The following EXOSC5 variants were observed in gnomAD, a reference collection of about 807,000 sequenced individuals.
The protein encoded by EXOSC5 is exosome complex component RRP46.
EXOSC5 carries 15 observed loss-of-function variants against 23.7 expected under a neutral mutation model. The ratio of observed to expected loss-of-function variants is 0.63; its 90% CI spans 0.42 to 0.97. The LOEUF (loss-of-function observed/expected upper bound fraction) is 0.97, where lower values mean the gene tolerates loss of function less well. EXOSC5 is among the 50% of genes least tolerant of loss of function. EXOSC5 has a pLI of 0.00. For synonymous variants in EXOSC5, 143 were observed against 140.9 expected, an observed-to-expected ratio of 1.02 and a Z score of -0.11; for missense variants, 305 against 316.3, an observed-to-expected ratio of 0.96 and a Z score of 0.27.
In EXOSC5 at chr19:41,392,854, A is replaced by G. The variant is rs1283232515; in HGVS notation, c.262+13T>C. 1 of 1,609,716 alleles carries G rather than the reference A, an allele frequency of 6.2e-7. No homozygotes were observed. The highest frequency in any genetic ancestry group is 8.5e-7 in the Non-Finnish European group (1 of 1,176,408). On this transcript the variant is annotated intron_variant, in intron 2 of 5. Coordinates refer to ENST00000221233, the MANE Select transcript of EXOSC5 (RefSeq NM_020158.4). ...ACTGGGCACCACTCAGAGGTTCAGCAGGGCCCAATTACCAGGCAGCCCAAT... is the reference window on the plus strand; with the variant it reads ...ACTGGGCACCACTCAGAGGTTCAGCGGGGCCCAATTACCAGGCAGCCCAAT...
At chr19:41,396,871 A>G (rs2039071725) in intron 1 of EXOSC5, among the ~76,000 whole-genome samples, 1 of 151,110 alleles carries the variant, frequency 6.6e-6, no homozygotes. Flanking sequence ...GTGGAGGAGG[A>G]ATCGAGTTAA....
intron 3 of EXOSC5, among the ~76,000 whole-genome samples, chr19:41,390,288 C>T (rs979030138): frequency 2.0e-5 from 3 of 152,150 alleles, no homozygotes; most frequent in Non-Finnish European, 4.4e-5. Flanking sequence ...CCTCCCTCCA[C>T]CAGGCTGATG....
intron 1 of EXOSC5, among the ~76,000 whole-genome samples, chr19:41,396,832 G>T (rs1053785500): frequency 1.5e-5 from 2 of 136,564 alleles, no homozygotes; most frequent in Non-Finnish European, 3.1e-5. Flanking sequence ...GACCTAGAGG[G>T]TGTGTGTGTG....
Position 41,397,334 on chromosome 19 carries a change from C to T in EXOSC5, c.-6G>A, listed in dbSNP as rs1568499160. The T allele has an allele frequency of 1.2e-6, 2 of 1,607,764 alleles. No individual in the cohort carries two copies. Among genetic ancestry groups the T allele is most frequent in the Non-Finnish European group, 1.7e-6 (2 of 1,175,246 alleles). On this transcript the variant is annotated 5_prime_UTR_variant, in exon 1 of 6. Transcript: ENST00000221233. ...GTATGCGTCTCCTCCTCCATCGCGC[C>T]GAGCCCACGTGCGGCTGCAGTTGTC...
intron 1 of EXOSC5, among the ~76,000 whole-genome samples, chr19:41,394,702 G>C (rs2039048721): frequency 6.6e-6 from 1 of 152,040 alleles, no homozygotes; most frequent in Non-Finnish European, 1.5e-5. Flanking sequence ...ATTTTTAGTA[G>C]AGATGGGTTT....
chr19:41,387,516 C>CAA lies in EXOSC5; in HGVS notation c.612_613insTT (p.Glu205LeufsTer74). 1 of 1,596,696 alleles carries CAA rather than the reference C, an allele frequency of 6.3e-7. No homozygotes were observed. Among genetic ancestry groups the CAA allele is most frequent in the South Asian group, 1.1e-5 (1 of 87,660 alleles). On this transcript the variant is annotated frameshift_variant, in exon 5 of 6. Transcript: ENST00000221233. LOFTEE classifies it high-confidence loss of function. ...TCCCCTCATCCCCATGCTGGTACCT[C>CAA]AGTGTCTGAGTAGAGCCCCTTGGTG...
rs1258785547 is a variant in EXOSC5 at position 41,397,190 on chromosome 19, AG to A, written c.138del (p.Phe47SerfsTer18). 1.2e-6 allele frequency: 2 copies of A among 1,613,890 alleles called. No individual in the cohort carries two copies. Among genetic ancestry groups the A allele is most frequent in the Admixed American group, 3.3e-5 (2 of 60,002 alleles). On this transcript the variant is annotated frameshift_variant, in exon 1 of 6. Transcript: ENST00000221233. LOFTEE classifies it high-confidence loss of function. ...NLLSRPDGSA[S>X]FLQGDTSVLA... ...TGGGTGAAGTTCTTACCTTGCAGGAAGGAAGCAGAGCCATCTGGCCGCGACA... is the reference window on the plus strand; with the variant it reads ...TGGGTGAAGTTCTTACCTTGCAGGAAGAAGCAGAGCCATCTGGCCGCGACA...
intron 5 of EXOSC5, 30 bp from the exon 6 acceptor site, chr19:41,386,755 G>A (rs372991427): frequency 3.2e-6 from 5 of 1,546,970 alleles, no homozygotes; most frequent in African/African-American, 1.4e-5. Flanking sequence ...CGGTGCTGGG[G>A]GCCGAGCCCT....
At position 41,387,792 on chromosome 19, in the gene EXOSC5, GAA is replaced by G. The variant is rs58638587; in HGVS notation, c.526-191_526-190del. On this transcript the variant is annotated intron_variant, in intron 4 of 5. Transcript: ENST00000221233. ...GGCAACAGAGGGAGACCCCATCTCAGAAAAAAAAAAAAAAAAAAGGTAGCTGG... is the reference window on the plus strand; with the variant it reads ...GGCAACAGAGGGAGACCCCATCTCAGAAAAAAAAAAAAAAAAGGTAGCTGG... Among the ~76,000 whole-genome samples the G allele has an allele frequency of 7.9e-3, 918 of 116,340 alleles. 11 individuals are homozygous for G. The highest frequency in any genetic ancestry group is 0.029 in the African/African-American group (865 of 30,236). 76.3% of individuals were successfully genotyped at this position (116,340 alleles called of 152,430 possible). A position where few individuals can be genotyped will look rare whatever the true frequency, so the allele number is the denominator to read the frequency against.
intron 2 of EXOSC5, 197 bp from the exon 3 acceptor site, chr19:41,392,159 TCCA>T: frequency 1.4e-6 from 1 of 698,874 alleles, no homozygotes. Context: ...ACCTCCAGCA[TCCA>T]CCAAGGGAAC....
rs2038985766 is a variant in EXOSC5 at position 41,386,606 on chromosome 19, G to A, written c.*27C>T. 2 of 1,557,830 alleles carry A rather than the reference G, an allele frequency of 1.3e-6. No individual in the cohort carries two copies. The highest frequency in any genetic ancestry group is 1.2e-5 in the South Asian group (1 of 84,664). ...TAGGGGGTGAGTGGGTGGAGGCAAT[G>A]GGAGCGGCCCCTTGCCCCAGCTTGC... is the stretch of plus-strand genomic sequence containing the variant. On this transcript the variant is annotated 3_prime_UTR_variant, in exon 6 of 6. Transcript: ENST00000221233.
chr19:41,394,846 A>G (rs2123226869), intron 1 of EXOSC5, among the ~76,000 whole-genome samples: 1 of 152,162 alleles, frequency 6.6e-6, no homozygotes, highest in South Asian at 2.1e-4. Context: ...CAGCCTGGCC[A>G]ACATGGTGAA....
chr19:41,387,504 A>T lies in EXOSC5; in HGVS notation c.615+10T>A. On this transcript the variant is annotated intron_variant, in intron 5 of 5. Coordinates refer to ENST00000221233, the MANE Select transcript of EXOSC5 (RefSeq NM_020158.4). ...GGTTCTGGCTTTTCCCCTCATCCCC[A>T]TGCTGGTACCTCAGTGTCTGAGTAG... 1 of 1,587,348 alleles carries T rather than the reference A, an allele frequency of 6.3e-7. No homozygotes were observed. The highest frequency in any genetic ancestry group is 8.6e-7 in the Non-Finnish European group (1 of 1,167,662).
intron 1 of EXOSC5, among the ~76,000 whole-genome samples, chr19:41,395,012 C>T (rs145608859): frequency 0.028 from 4,020 of 141,852 alleles, 165 homozygotes; most frequent in African/African-American, 0.099. Flanking sequence ...CCAGCCTGGG[C>T]GACAGGGCGA....
chr19:41,388,725 G>A (rs1336658052), intron 4 of EXOSC5, among the ~76,000 whole-genome samples: 1 of 152,116 alleles, frequency 6.6e-6, no homozygotes, highest in African/African-American at 2.4e-5. Flanking sequence ...TTATAGCACT[G>A]GGCAGAAAAC....
chr19:41,389,666 G>A (rs1455095457), intron 4 of EXOSC5, 99 bp downstream of exon 4: 20 of 1,488,524 alleles, frequency 1.3e-5, no homozygotes, highest in Non-Finnish European at 1.8e-5. Context: ...TGGGATTGAG[G>A]TGGCATGAGC....
chr19:41,393,137 T>TG (rs1054975287), intron 1 of EXOSC5, among the ~76,000 whole-genome samples, 157 bp from the exon 2 acceptor site: 2 of 152,202 alleles, frequency 1.3e-5, no homozygotes, highest in African/African-American at 2.4e-5. Flanking sequence ...ATTTGTAAAA[T>TG]GGGGAAAATA....
chr19:41,386,392 T>G lies in EXOSC5; in HGVS notation c.*241A>C. The G allele has an allele frequency of 2.1e-6, 1 of 478,238 alleles. No homozygotes were observed. Among genetic ancestry groups the G allele is most frequent in the Non-Finnish European group, 3.7e-6 (1 of 267,236 alleles). 29.6% of individuals were successfully genotyped at this position (478,238 alleles called of 1,614,324 possible). A position where few individuals can be genotyped will look rare whatever the true frequency, so the allele number is the denominator to read the frequency against. The stretch of plus-strand genomic sequence containing the variant: ...ACATTTGTTAAAGTGAATTAATTTA[T>G]TGATTCATCCATTCCATAAATGTGA... On this transcript the variant is annotated 3_prime_UTR_variant, in exon 6 of 6. Transcript: ENST00000221233.
intron 1 of EXOSC5, among the ~76,000 whole-genome samples, chr19:41,395,585 G>A (rs1016817557): frequency 2.6e-5 from 4 of 152,132 alleles, no homozygotes; most frequent in African/African-American, 9.7e-5. Context: ...CCATGACCCG[G>A]CTGTCAGTAA....
Sources: allele counts gnomAD v4.1 joint callset (sites outside exome capture counted in the v4.1 genomes callset), GRCh38; gene constraint gnomAD v4.1.1; transcripts MANE v1.5; gene names NCBI Gene and HGNC (gene_info 2026-07-23, HGNC 2026-07-21).